The following PBX4 variants were observed in gnomAD, a reference collection of about 807,000 sequenced individuals.
PBX4 encodes the protein PBX homeobox 4.
Under a neutral mutation model 35.1 loss-of-function variants are expected in PBX4, and 26 were observed. The ratio of observed to expected loss-of-function variants is 0.74; its 90% CI spans 0.54 to 1.03. PBX4 has a LOEUF of 1.03. Ranked by LOEUF, PBX4 falls within the 50% of genes least tolerant of loss-of-function variation. The pLI, the probability that PBX4 is intolerant of heterozygous loss-of-function variation, is 0.00. For missense variants in PBX4, 448 were observed against 504.3 expected, an observed-to-expected ratio of 0.89 and a Z score of 1.07; for synonymous variants, 199 against 204.2, an observed-to-expected ratio of 0.97 and a Z score of 0.22.
intron 2 of PBX4, among the ~76,000 whole-genome samples, chr19:19,584,149 A>G (rs771876832): frequency 5.9e-5 from 9 of 152,144 alleles, no homozygotes; most frequent in Admixed American, 1.3e-4. Flanking sequence ...GAGGCTCGAG[A>G]ACCGCTTGCA....
At chr19:19,590,550 C>T (rs1308436072) in intron 2 of PBX4, among the ~76,000 whole-genome samples, 1 of 151,576 alleles carries the variant, frequency 6.6e-6, no homozygotes, top group Non-Finnish European at 1.5e-5. Flanking sequence ...CTCACTGCAA[C>T]CTCCGCCTCC....
At chr19:19,605,877 T>C (rs574338098) in intron 1 of PBX4, among the ~76,000 whole-genome samples, 26 of 151,342 alleles carry the variant, frequency 1.7e-4, no homozygotes, top group African/African-American at 6.3e-4. Context: ...AGTTTTCTCC[T>C]TATAAAATAT....
intron 2 of PBX4, among the ~76,000 whole-genome samples, chr19:19,573,999 G>T (rs1344158080): frequency 6.6e-6 from 1 of 152,084 alleles, no homozygotes; most frequent in African/African-American, 2.4e-5. Context: ...CAATGTGCTG[G>T]GATTACAGGC....
At chr19:19,577,727 C>T (rs968354990) in intron 2 of PBX4, among the ~76,000 whole-genome samples, 1 of 151,904 alleles carries the variant, frequency 6.6e-6, no homozygotes, top group Non-Finnish European at 1.5e-5. Flanking sequence ...AGCGTGGTGG[C>T]GCGTGCCTGT....
chr19:19,579,454 G>A (rs931533598), intron 2 of PBX4, among the ~76,000 whole-genome samples: 2 of 152,138 alleles, frequency 1.3e-5, no homozygotes, highest in African/African-American at 2.4e-5. Flanking sequence ...GAACAAAGAC[G>A]TGGGGAAAAG....
intron 2 of PBX4, among the ~76,000 whole-genome samples, chr19:19,575,327 C>T (rs1036042940): frequency 3.3e-5 from 5 of 151,752 alleles, no homozygotes; most frequent in African/African-American, 9.7e-5. Context: ...GAATGATGCT[C>T]ATGGGGTGCT....
At chr19:19,584,702 G>A (rs997599555) in intron 2 of PBX4, among the ~76,000 whole-genome samples, 4 of 146,614 alleles carry the variant, frequency 2.7e-5, no homozygotes, top group East Asian at 2.1e-4. Flanking sequence ...CTCGGCTCAC[G>A]GCAACCTCCA....
intron 1 of PBX4, among the ~76,000 whole-genome samples, chr19:19,609,837 C>A (rs1330781998): frequency 6.6e-6 from 1 of 151,870 alleles, no homozygotes; most frequent in Non-Finnish European, 1.5e-5. Flanking sequence ...GGCGACACAG[C>A]GAGACTCCGT....
At chr19:19,586,932 AAAAAAGAAAAAG>A (rs934203120) in intron 2 of PBX4, among the ~76,000 whole-genome samples, 1 of 151,998 alleles carries the variant, frequency 6.6e-6, no homozygotes, top group Admixed American at 6.6e-5. Flanking sequence ...TTCCGTCTCA[AAAAAAGAAAAAG>A]AAAAAGAAAA....
chr19:19,566,528 C>T (rs141272434), intron 5 of PBX4, among the ~76,000 whole-genome samples: 1 of 152,210 alleles, frequency 6.6e-6, no homozygotes, highest in African/African-American at 2.4e-5. Flanking sequence ...TTGTGGATGA[C>T]CTTTGCTACT....
At position 19,563,156 on chromosome 19, in the gene PBX4, G is replaced by A. The variant is rs1043228051; in HGVS notation, c.1032+353C>T. On this transcript the variant is annotated intron_variant, in intron 7 of 7. Coordinates refer to ENST00000251203, the MANE Select transcript of PBX4 (RefSeq NM_025245.3). This position sits in a 1 kb window ranked among gnomAD's most constrained non-coding sequence, Gnocchi z 5.1. ...CGAGGGAAGGCCCCATCTCTCCTCCGGCCTCCTCTGCTGGCTGCCTGCCCC... is the reference window on the plus strand; with the variant it reads ...CGAGGGAAGGCCCCATCTCTCCTCCAGCCTCCTCTGCTGGCTGCCTGCCCC... 4.6e-5 allele frequency among the ~76,000 whole-genome samples: 7 copies of A among 152,090 alleles called. No homozygotes were observed. Among genetic ancestry groups the A allele is most frequent in the African/African-American group, 7.2e-5 (3 of 41,410 alleles).
At chr19:19,618,464 T>C in intron 1 of PBX4, 47 bp downstream of exon 1, 1 of 1,376,400 alleles carries the variant, frequency 7.3e-7, no homozygotes, top group Non-Finnish European at 9.4e-7. Flanking sequence ...CCCGCCAACC[T>C]CACTGCCACG....
At position 19,589,606 on chromosome 19, in the gene PBX4, C is replaced by T. The variant is rs141957997; in HGVS notation, c.193+9686G>A. 6.5e-3 allele frequency among the ~76,000 whole-genome samples: 990 copies of T among 151,994 alleles called. 8 individuals are homozygous for T. Among genetic ancestry groups the T allele is most frequent in the African/African-American group, 0.023 (947 of 41,446 alleles). ...CCAACGCGGTGAAATCCCATCTCTA[C>T]TAAAAATACAAAAATTAGTTGGGCA... On this transcript the variant is annotated intron_variant, in intron 2 of 7. Coordinates refer to ENST00000251203, the MANE Select transcript of PBX4 (RefSeq NM_025245.3).
In PBX4 at chr19:19,563,431, G is replaced by T; in HGVS notation, c.1032+78C>A. On this transcript the variant is annotated intron_variant, in intron 7 of 7. Transcript: ENST00000251203. The surrounding 1 kb of genome is among the most constrained non-coding windows in gnomAD (Gnocchi z 5.1). ...CCTCTGGGGAAGCTGCCCCAAGGCC[G>T]AGGGGTGGCTGACAAGACGACCCTT... 1 of 1,207,920 alleles carries T rather than the reference G, an allele frequency of 8.3e-7. No individual in the cohort carries two copies. Among genetic ancestry groups the T allele is most frequent in the Non-Finnish European group, 1.2e-6 (1 of 868,984 alleles). The allele number at this position is 1,207,920 out of a possible 1,614,324, so 74.8% of individuals were successfully genotyped here.
At chr19:19,565,593 T>C (rs1388242326) in intron 5 of PBX4, among the ~76,000 whole-genome samples, 1 of 152,188 alleles carries the variant, frequency 6.6e-6, no homozygotes, top group Non-Finnish European at 1.5e-5. Context: ...ACTTCTCATA[T>C]ATTCATATAT....
chr19:19,589,352 C>T (rs894726303), intron 2 of PBX4, among the ~76,000 whole-genome samples: 5 of 151,742 alleles, frequency 3.3e-5, no homozygotes, highest in African/African-American at 4.8e-5. Context: ...GGCATGAACC[C>T]GAACCCAGGA....
intron 1 of PBX4, among the ~76,000 whole-genome samples, chr19:19,610,284 G>A (rs747271708): frequency 2.6e-5 from 4 of 152,158 alleles, no homozygotes; most frequent in Non-Finnish European, 4.4e-5. Context: ...GTGGTGGCAC[G>A]TGCCTGGAAT....
At chr19:19,571,412 A>C (rs1473826171) in intron 2 of PBX4, among the ~76,000 whole-genome samples, 1 of 152,210 alleles carries the variant, frequency 6.6e-6, no homozygotes, top group Non-Finnish European at 1.5e-5. Flanking sequence ...AAAGATTTTA[A>C]GCAGAGAAAC....
In PBX4 at chr19:19,563,705, T is replaced by G. The variant is rs1222517273; in HGVS notation, c.926-90A>C. The G allele has an allele frequency of 1.8e-6, 2 of 1,093,456 alleles. No homozygotes were observed. The highest frequency in any genetic ancestry group is 2.7e-6 in the Non-Finnish European group (2 of 735,426). The allele number at this position is 1,093,456 out of a possible 1,614,324, so 67.7% of individuals were successfully genotyped here. A position where few individuals can be genotyped will look rare whatever the true frequency, so the allele number is the denominator to read the frequency against. ...CCCTCAGCCGGCAGGAGGCCTCGAA[T>G]GTGGCTCCTGCCCCTCCTCAGCATC... is the stretch of plus-strand genomic sequence containing the variant. On this transcript the variant is annotated intron_variant, in intron 6 of 7. Coordinates refer to ENST00000251203, the MANE Select transcript of PBX4 (RefSeq NM_025245.3). This position sits in a 1 kb window ranked among gnomAD's most constrained non-coding sequence, Gnocchi z 5.1.
Sources: gnomAD v4.1 joint callset for allele counts (sites outside exome capture counted in the v4.1 genomes callset) on GRCh38, gnomAD v4.1.1 for gene constraint, Gnocchi (gnomAD v3.1) non-coding constraint, MANE v1.5 for transcripts, NCBI Gene and HGNC (gene_info 2026-07-23, HGNC 2026-07-21) for gene names.